Variants in CLASP1 observed in about 807,000 individuals in gnomAD.
CLASP1 encodes the protein CLIP-associating protein 1.
A neutral mutation model predicts 192.3 loss-of-function variants in CLASP1; 38 were observed. That is an observed-to-expected ratio of 0.20 (90% confidence interval 0.15 to 0.26). CLASP1 has a LOEUF of 0.26. Ranked by LOEUF, CLASP1 falls within the 10% of genes least tolerant of loss-of-function variation. The pLI is 1.00. For missense variants in CLASP1, 1,433 were observed against 1,932.5 expected (o/e 0.74, Z 4.85); for synonymous variants, 691 against 712.8 (o/e 0.97, Z 0.49).
At chr2:121,434,746 T>C (rs1236545290) in intron 19 of CLASP1, among the ~76,000 whole-genome samples, 2 of 152,066 alleles carry the variant, frequency 1.3e-5, no homozygotes, top group Non-Finnish European at 2.9e-5. Context: ...GCCCAGCACT[T>C]TGGGAGGCTG....
chr2:121,511,116 A>C (rs892397385), intron 7 of CLASP1, among the ~76,000 whole-genome samples: 1 of 152,230 alleles, frequency 6.6e-6, no homozygotes, highest in African/African-American at 2.4e-5. Flanking sequence ...AACAGTTATT[A>C]ACTCCAGGAA....
chr2:121,411,892 A>G (rs541752139), intron 23 of CLASP1, among the ~76,000 whole-genome samples: 1 of 152,302 alleles, frequency 6.6e-6, no homozygotes, highest in South Asian at 2.1e-4. Flanking sequence ...TTCTTATTTA[A>G]AAGTCCAATG....
chr2:121,538,198 G>T (rs1191157499), intron 2 of CLASP1, among the ~76,000 whole-genome samples: 2 of 152,088 alleles, frequency 1.3e-5, no homozygotes, highest in African/African-American at 4.8e-5. Flanking sequence ...TGGATCACCT[G>T]AGGTCAGCAG....
rs958220718 is a variant in CLASP1 at position 121,425,226 on chromosome 2, G to C, written c.2125C>G (p.Pro709Ala). The C allele has an allele frequency of 2.5e-6, 4 of 1,613,610 alleles. No homozygotes were observed. In the Admixed American group the frequency reaches 6.7e-5, roughly 27 times the overall value. ...CGCTTTTCTGAAGACGGTGTCACAG[G>C]TGGGCCTCGTGAGGAGCCCCCAGTA... The change falls in exon 22 of 40, where the codon CCT (proline) becomes GCT (alanine). Residue 709 changes from proline (P) to alanine (A), a missense_variant. Coordinates refer to ENST00000263710, the Ensembl canonical transcript of CLASP1.
chr2:121,457,822 G>C (rs1457460081), intron 13 of CLASP1, 65 bp from the exon 14 acceptor site: 3 of 1,159,610 alleles, frequency 2.6e-6, no homozygotes, highest in African/African-American at 1.5e-5. Flanking sequence ...AAAATTAAGA[G>C]AATCACTTCC....
rs863225423 is a variant in CLASP1 at position 121,530,997 on chromosome 2, T to C, written c.196-672A>G. 31 of 700,202 alleles carry C rather than the reference T, an allele frequency of 4.4e-5. No homozygotes were observed. Among genetic ancestry groups the C allele is most frequent in the Non-Finnish European group, 4.9e-5 (19 of 384,790 alleles). 43.4% of individuals were successfully genotyped at this position (700,202 alleles called of 1,614,324 possible). A position where few individuals can be genotyped will look rare whatever the true frequency, so the allele number is the denominator to read the frequency against. On this transcript the variant is annotated intron_variant, in intron 2 of 39. Coordinates refer to ENST00000263710, the Ensembl canonical transcript of CLASP1. ...GAGCTTTTGCTTTATTTTGGTGCAA[T>C]TTTTGGAAAAATGAAAACCTGTTTT...
chr2:121,578,964 T>C (rs2060846162), intron 2 of CLASP1, among the ~76,000 whole-genome samples: 1 of 152,184 alleles, frequency 6.6e-6, no homozygotes, highest in Admixed American at 6.5e-5. Context: ...AATTCAGTAA[T>C]TTAACTATTT....
rs531979579 is a variant in CLASP1 at position 121,598,888 on chromosome 2, C to T, written c.195+6813G>A. ...TTATTTATTTATTTATTTTTTGAGA[C>T]GGAGTCTCACTCTATTGCCCAGGCT... is the stretch of plus-strand genomic sequence containing the variant. On this transcript the variant is annotated intron_variant, in intron 2 of 39. Coordinates refer to ENST00000263710, the Ensembl canonical transcript of CLASP1. Among the ~76,000 whole-genome samples, 23 of 152,234 alleles carry T rather than the reference C, an allele frequency of 1.5e-4. No individual in the cohort carries two copies. In the South Asian group the frequency reaches 2.1e-3, roughly 14 times the overall value.
At chr2:121,470,413 T>C (rs1293001572) in intron 8 of CLASP1, 1 of 433,024 alleles carries the variant, frequency 2.3e-6, no homozygotes, top group East Asian at 6.1e-5. Context: ...GGTCACCTGG[T>C]ACACACTTTA....
chr2:121,628,537 A>T (rs1431037912), intron 1 of CLASP1, among the ~76,000 whole-genome samples: 1 of 151,966 alleles, frequency 6.6e-6, no homozygotes, highest in African/African-American at 2.4e-5. Context: ...TTAGCCAGGC[A>T]TGGTGGTGCA....
At chr2:121,527,959 T>C (rs796490770) in intron 4 of CLASP1, 69 bp from the exon 5 acceptor site, 8 of 1,291,696 alleles carry the variant, frequency 6.2e-6, no homozygotes, top group East Asian at 4.6e-5. Context: ...AAGGGAGCAA[T>C]AGAAGGCAAG....
At chr2:121,535,209 G>A (rs1017987724) in intron 2 of CLASP1, among the ~76,000 whole-genome samples, 2 of 152,332 alleles carry the variant, frequency 1.3e-5, no homozygotes, top group East Asian at 1.9e-4. Flanking sequence ...ACTTGAGCCT[G>A]GGAGGCGGAA....
chr2:121,605,921 A>C (rs765723312), exon 2 of CLASP1: 1 of 1,609,506 alleles, frequency 6.2e-7, no homozygotes, highest in African/African-American at 1.3e-5. Context: ...CAGATCCAGC[A>C]AAAGCTAGAG....
intron 1 of CLASP1, among the ~76,000 whole-genome samples, chr2:121,631,577 A>G (rs2069665039): frequency 6.6e-6 from 1 of 151,618 alleles, no homozygotes; most frequent in Admixed American, 6.6e-5. Flanking sequence ...TAAGCCACCA[A>G]GCCCGGCCTG....
chr2:121,412,665 A>C (rs2077914130), intron 23 of CLASP1, among the ~76,000 whole-genome samples: 1 of 152,200 alleles, frequency 6.6e-6, no homozygotes, highest in Non-Finnish European at 1.5e-5. Context: ...TCAGATACAA[A>C]ATTAAAACTA....
chr2:121,506,556 T>C (rs1008378455), intron 7 of CLASP1, among the ~76,000 whole-genome samples: 11 of 151,978 alleles, frequency 7.2e-5, no homozygotes, highest in African/African-American at 2.4e-4. Flanking sequence ...TTGAAAACAC[T>C]GACATACTCC....
intron 1 of CLASP1, among the ~76,000 whole-genome samples, chr2:121,614,211 G>A (rs1416674934): frequency 1.3e-5 from 2 of 152,214 alleles, no homozygotes; most frequent in African/African-American, 4.8e-5. Flanking sequence ...AAAAGTGTGA[G>A]GAAGCCGGGC....
At chr2:121,565,387 C>T (rs1462228710) in intron 2 of CLASP1, among the ~76,000 whole-genome samples, 1 of 152,218 alleles carries the variant, frequency 6.6e-6, no homozygotes, top group Admixed American at 6.5e-5. Context: ...AGTATTTCTA[C>T]CAGGGCTGCC....
At chr2:121,466,694 G>C (rs1316680934) in intron 9 of CLASP1, among the ~76,000 whole-genome samples, 1 of 152,156 alleles carries the variant, frequency 6.6e-6, no homozygotes, top group Non-Finnish European at 1.5e-5. Flanking sequence ...TCTACATTAG[G>C]GGTGAAAGGA....
Sources: allele counts gnomAD v4.1 joint callset (sites outside exome capture counted in the v4.1 genomes callset), GRCh38; gene constraint gnomAD v4.1.1; transcripts MANE v1.5; gene names NCBI Gene and HGNC (gene_info 2026-07-23, HGNC 2026-07-21).